Variants in DHRS12 observed in about 807,000 individuals in gnomAD.
DHRS12 encodes the protein dehydrogenase/reductase 12.
A neutral mutation model predicts 32.1 loss-of-function variants in DHRS12; 29 were observed. That is an observed-to-expected ratio of 0.90 (90% CI 0.67 to 1.23). The LOEUF is 1.23. DHRS12 is among the 50% of genes most tolerant of loss of function. The pLI is 0.00. For missense variants in DHRS12, 330 were observed against 337.2 expected, an observed-to-expected ratio of 0.98 and a Z score of 0.17; for synonymous variants, 150 against 135.9, an observed-to-expected ratio of 1.10 and a Z score of -0.72.
At chr13:51,760,099 T>C in the DHRS12 span, 1 of 231,064 alleles carries the variant, frequency 4.3e-6, no homozygotes, top group African/African-American at 2.2e-5. Context: ...ATTTTACTTG[T>C]TGCTTTGTCA....
chr13:51,775,974 CCTACAGTATTCTCCTACATGTATT>C (rs1280003121), intron 5 of DHRS12: 15 of 125,676 alleles, frequency 1.2e-4, no homozygotes, highest in African/African-American at 3.2e-4. Context: ...ACAGTATTCT[CCTACAGTATTCTCCTACATGTATT>C]CTACAGTATT....
intron 1 of DHRS12, 114 bp downstream of exon 1, chr13:51,803,940 C>A: frequency 9.9e-7 from 1 of 1,011,090 alleles, no homozygotes; most frequent in Non-Finnish European, 1.3e-6. Context: ...CACGCTTAGT[C>A]GGCCCAGCGA....
Position 51,771,694 on chromosome 13 carries a change from A to C in DHRS12, c.559+127T>G, listed in dbSNP as rs1954024545. ...CCCAACGCGCCCCTGCCTAAATGGA[A>C]ATGAAGCTACTCCTCAGTCCTCATT... On this transcript the variant is annotated intron_variant, in intron 7 of 8. Coordinates refer to ENST00000444610, the MANE Select transcript of DHRS12 (RefSeq NM_001377533.1). 2.2e-6 allele frequency: 3 copies of C among 1,363,244 alleles called. No individual in the cohort carries two copies. The East Asian group carries it at 6.9e-5, about 31-fold the overall frequency. The allele number at this position is 1,363,244 out of a possible 1,614,324, so 84.4% of individuals were successfully genotyped here.
intron 8 of DHRS12, 60 bp from the exon 9 acceptor site, chr13:51,768,356 T>C: frequency 6.5e-7 from 1 of 1,532,994 alleles, no homozygotes; most frequent in South Asian, 1.2e-5. Flanking sequence ...TGGGTCCATG[T>C]CCCTGTGCTG....
At chr13:51,796,936 A>G (rs1955535969) in intron 2 of DHRS12, among the ~76,000 whole-genome samples, 2 of 152,210 alleles carry the variant, frequency 1.3e-5, no homozygotes, top group Non-Finnish European at 2.9e-5. Flanking sequence ...TTGATGCAAA[A>G]TATTCCATCC....
At chr13:51,777,168 A>T (rs947348833) in intron 4 of DHRS12, 47 bp from the exon 5 acceptor site, 11 of 1,606,682 alleles carry the variant, frequency 6.8e-6, no homozygotes, top group Non-Finnish European at 9.4e-6. Context: ...GGAAGCCCCA[A>T]CTCAAGGGGT....
At chr13:51,803,044 C>T (rs1955831158) in intron 1 of DHRS12, among the ~76,000 whole-genome samples, 1 of 152,208 alleles carries the variant, frequency 6.6e-6, no homozygotes, top group Non-Finnish European at 1.5e-5. Flanking sequence ...GAGGCTGCCA[C>T]TGTATTCCCC....
intron 5 of DHRS12, 82 bp from the exon 6 acceptor site, chr13:51,774,116 G>T: frequency 7.4e-7 from 1 of 1,346,864 alleles, no homozygotes; most frequent in Non-Finnish European, 1.0e-6. Context: ...AGTGCTTCTT[G>T]CTGTTGTGAC....
chr13:51,763,756 C>T, downstream of DHRS12: 1 of 152,222 alleles, frequency 6.6e-6, no homozygotes, highest in Non-Finnish European at 1.5e-5. Context: ...TATGATTGCA[C>T]TACTGCAGTC....
chr13:51,797,952 T>C (rs1955583464), intron 2 of DHRS12: 1 of 1,518,834 alleles, frequency 6.6e-7, no homozygotes. Context: ...CAGCGAGAGC[T>C]ACAGAAACCA....
At chr13:51,771,709 C>A in intron 7 of DHRS12, 112 bp downstream of exon 7, 1 of 1,394,622 alleles carries the variant, frequency 7.2e-7, no homozygotes, top group South Asian at 1.3e-5. Context: ...AGCTACTCCT[C>A]AGTCCTCATT....
chr13:51,796,289 G>T (rs1447933479), intron 2 of DHRS12, among the ~76,000 whole-genome samples: 2 of 152,152 alleles, frequency 1.3e-5, no homozygotes, highest in Non-Finnish European at 2.9e-5. Context: ...CCCTGGCAGA[G>T]CCTGGAGGAG....
chr13:51,802,797 G>A (rs1474288743), intron 1 of DHRS12, among the ~76,000 whole-genome samples: 1 of 152,186 alleles, frequency 6.6e-6, no homozygotes, highest in Non-Finnish European at 1.5e-5. Context: ...TTTGCCAACT[G>A]CCTTCCCCTC....
intron 4 of DHRS12, among the ~76,000 whole-genome samples, chr13:51,780,795 C>T (rs1409567659): frequency 6.6e-6 from 1 of 152,146 alleles, no homozygotes; most frequent in Non-Finnish European, 1.5e-5. Flanking sequence ...ATACTAAATT[C>T]ATAGTATTTC....
At chr13:51,789,465 G>A (rs796394542) in intron 4 of DHRS12, 2 of 845,324 alleles carry the variant, frequency 2.4e-6, no homozygotes, top group African/African-American at 3.7e-5. Flanking sequence ...ATCTGGGTGG[G>A]GAATCTAAGA....
At chr13:51,770,329 GC>G (rs1381628089) in intron 7 of DHRS12, among the ~76,000 whole-genome samples, 2 of 152,198 alleles carry the variant, frequency 1.3e-5, no homozygotes, top group East Asian at 3.8e-4. Flanking sequence ...GCACCTGAGA[GC>G]TGCTCTGTAA....
At chr13:51,803,596 C>A (rs1955854357) in intron 1 of DHRS12, 4 of 152,824 alleles carry the variant, frequency 2.6e-5, no homozygotes, top group Admixed American at 2.0e-4. Flanking sequence ...CCAAAGGTCG[C>A]AGTCCAGGTG....
intron 4 of DHRS12, among the ~76,000 whole-genome samples, chr13:51,787,073 T>C (rs1954992218): frequency 6.6e-6 from 1 of 152,174 alleles, no homozygotes; most frequent in Non-Finnish European, 1.5e-5. Context: ...GCATGCCTCT[T>C]TGTGTATTGT....
chr13:51,760,521 C>T, the DHRS12 span: 1 of 152,076 alleles, frequency 6.6e-6, no homozygotes, highest in Non-Finnish European at 1.5e-5. Context: ...TATTTTAACT[C>T]AGAGCTTCAA....
Sources: gnomAD v4.1 joint callset for allele counts (sites outside exome capture counted in the v4.1 genomes callset) on GRCh38, gnomAD v4.1.1 for gene constraint, MANE v1.5 for transcripts, NCBI Gene and HGNC (gene_info 2026-07-23, HGNC 2026-07-21) for gene names.